RMND5B: variants seen among roughly 807,000 people sequenced by gnomAD.
RMND5B encodes E3 ubiquitin-protein transferase RMND5B.
A neutral mutation model predicts 50.4 loss-of-function variants in RMND5B; 42 were observed. That is an observed-to-expected ratio of 0.83 (90% CI 0.65 to 1.08). RMND5B has a LOEUF of 1.08. Among genes scored for constraint, RMND5B ranks in the 50% least tolerant of loss-of-function variants. The pLI, the probability that RMND5B is intolerant of heterozygous loss-of-function variation, is 0.00. For missense variants in RMND5B, 463 were observed against 508.5 expected (o/e 0.91, Z 0.86); for synonymous variants, 220 against 210.0 (o/e 1.05, Z -0.41).
At chr5:178,139,545 ATTTT>A (rs35774978) in intron 3 of RMND5B, among the ~76,000 whole-genome samples, 5 of 139,790 alleles carry the variant, frequency 3.6e-5, no homozygotes, top group Non-Finnish European at 7.6e-5. Context: ...TGTCCCAGGA[ATTTT>A]TTTTTTTTTT....
At chr5:178,134,955 G>A (rs1189281812) in intron 2 of RMND5B, among the ~76,000 whole-genome samples, 1 of 142,214 alleles carries the variant, frequency 7.0e-6, no homozygotes, top group African/African-American at 2.6e-5. Context: ...TCCAGCCTGG[G>A]CAACAGAGCG....
chr5:178,147,657 C>T (rs776133541), intron 9 of RMND5B, 22 bp downstream of exon 9: 26 of 1,613,974 alleles, frequency 1.6e-5, no homozygotes, highest in Middle Eastern at 1.6e-4. Context: ...TCTGGGGAAT[C>T]GTGGGCAAGA....
intron 2 of RMND5B, chr5:178,135,316 A>G: frequency 5.0e-6 from 1 of 199,934 alleles, no homozygotes. Flanking sequence ...TGCCCAGGTA[A>G]ATTTGCCGTG....
In RMND5B at chr5:178,149,928, G is replaced by C; in HGVS notation, c.*1896G>C. The C allele has an allele frequency of 7.1e-7, 1 of 1,410,190 alleles. No individual in the cohort carries two copies. The highest frequency in any genetic ancestry group is 9.9e-7 in the Non-Finnish European group (1 of 1,012,572). 87.4% of individuals were successfully genotyped at this position (1,410,190 alleles called of 1,614,324 possible). A position where few individuals can be genotyped will look rare whatever the true frequency, so the allele number is the denominator to read the frequency against. ...AACTGATGACCCACCAGCCTAATCTGGCCCACAACCATGTTCTGTTCGGTC... is the reference window on the plus strand; with the variant it reads ...AACTGATGACCCACCAGCCTAATCTCGCCCACAACCATGTTCTGTTCGGTC... On this transcript the variant is annotated 3_prime_UTR_variant, in exon 11 of 11. Coordinates refer to ENST00000313386, the MANE Select transcript of RMND5B (RefSeq NM_022762.5).
At position 178,149,135 on chromosome 5, in the gene RMND5B, G is replaced by A. The variant is rs928712426; in HGVS notation, c.*1103G>A. The A allele has an allele frequency of 6.6e-6, 1 of 152,548 alleles. No individual in the cohort carries two copies. The highest frequency in any genetic ancestry group is 2.4e-5 in the African/African-American group (1 of 41,428). 9.4% of individuals were successfully genotyped at this position (152,548 alleles called of 1,614,324 possible). ...GTAAATTGCTTCCATAAGCTTCACAGTGGCATTTAAGGCTCCTGGGTTAAG... is the reference window on the plus strand; with the variant it reads ...GTAAATTGCTTCCATAAGCTTCACAATGGCATTTAAGGCTCCTGGGTTAAG... On this transcript the variant is annotated 3_prime_UTR_variant, in exon 11 of 11. Coordinates refer to ENST00000313386, the MANE Select transcript of RMND5B (RefSeq NM_022762.5).
chr5:178,143,518 C>A, intron 5 of RMND5B, 109 bp from the exon 6 acceptor site: 1 of 863,068 alleles, frequency 1.2e-6, no homozygotes, highest in Non-Finnish European at 1.9e-6. Context: ...TCAAGCAAAG[C>A]CCAGCTCTCT....
At chr5:178,139,967 A>T (rs1758832182) in intron 3 of RMND5B, among the ~76,000 whole-genome samples, 1 of 152,088 alleles carries the variant, frequency 6.6e-6, no homozygotes, top group Non-Finnish European at 1.5e-5. Context: ...AATCTGAGAC[A>T]TTTCTTCTGT....
chr5:178,143,560 G>GTGCA, intron 5 of RMND5B, 67 bp from the exon 6 acceptor site: 1 of 1,238,624 alleles, frequency 8.1e-7, no homozygotes, highest in Non-Finnish European at 1.2e-6. Context: ...CTTTTATTAT[G>GTGCA]TGCATAGCAG....
In RMND5B at chr5:178,150,563, TG is replaced by T; in HGVS notation, c.*2532del. The stretch of plus-strand genomic sequence containing the variant: ...CCCAGCTAATTAAAAAAATTTTTTT[TG>T]TAGAGATGGAGTCTCACTTTGTTGC... On this transcript the variant is annotated 3_prime_UTR_variant, in exon 11 of 11. Transcript: ENST00000313386. 4.7e-6 allele frequency: 2 copies of T among 425,770 alleles called. No homozygotes were observed. Among genetic ancestry groups the T allele is most frequent in the Non-Finnish European group, 8.9e-6 (2 of 223,872 alleles). The allele number at this position is 425,770 out of a possible 1,614,324, so 26.4% of individuals were successfully genotyped here.
At chr5:178,146,071 G>C (rs765173872) in intron 7 of RMND5B, 43 bp from the exon 8 acceptor site, 1 of 1,603,416 alleles carries the variant, frequency 6.2e-7, no homozygotes, top group Non-Finnish European at 8.5e-7. Context: ...GGTGGACCCA[G>C]AGCCCTGCAC....
Position 178,132,433 on chromosome 5 carries a change from T to C in RMND5B, c.-13+1057T>C, listed in dbSNP as rs532388854. 1.4e-4 allele frequency among the ~76,000 whole-genome samples: 21 copies of C among 152,004 alleles called. No homozygotes were observed. In the South Asian group the frequency reaches 4.4e-3, roughly 32 times the overall value. On this transcript the variant is annotated intron_variant, in intron 2 of 10. Transcript: ENST00000313386. ...TCCAGCCTGGGCGACAGAGTAAGAC[T>C]CTGTCTCAAAAACAAACAACAAAAA... is the stretch of plus-strand genomic sequence containing the variant.
intron 3 of RMND5B, among the ~76,000 whole-genome samples, chr5:178,140,836 A>T (rs905176861): frequency 1.3e-5 from 2 of 152,104 alleles, no homozygotes; most frequent in African/African-American, 4.8e-5. Flanking sequence ...TCAAAAAAAA[A>T]AAAAAAGTAG....
chr5:178,143,881 T>C, intron 6 of RMND5B, 61 bp from the exon 7 acceptor site: 1 of 1,584,232 alleles, frequency 6.3e-7, no homozygotes, highest in Non-Finnish European at 8.6e-7. Flanking sequence ...TCCTCTCAGG[T>C]GCTGGCTCTC....
chr5:178,141,695 A>AATAC (rs1581121144), intron 3 of RMND5B: 1 of 152,160 alleles, frequency 6.6e-6, no homozygotes, highest in Non-Finnish European at 1.5e-5. Context: ...AAAATAAATA[A>AATAC]ATACATACAT....
intron 4 of RMND5B, 38 bp from the exon 5 acceptor site, chr5:178,142,814 G>T (rs759332815): frequency 6.2e-7 from 1 of 1,614,248 alleles, no homozygotes; most frequent in Non-Finnish European, 8.5e-7. Context: ...CAGCAAGAGT[G>T]CCCGCATCAC....
intron 5 of RMND5B, 43 bp from the exon 6 acceptor site, chr5:178,143,584 C>A: frequency 1.4e-6 from 2 of 1,449,242 alleles, no homozygotes; most frequent in Non-Finnish European, 1.9e-6. Flanking sequence ...ACTTTGGAAA[C>A]ACCATCTTCC....
At position 178,150,291 on chromosome 5, in the gene RMND5B, A is replaced by T. The variant is rs760829686; in HGVS notation, c.*2259A>T. 7 of 223,628 alleles carry T rather than the reference A, an allele frequency of 3.1e-5. No homozygotes were observed. Among genetic ancestry groups the T allele is most frequent in the Non-Finnish European group, 4.6e-5 (5 of 109,812 alleles). The allele number at this position is 223,628 out of a possible 1,614,324, so 13.9% of individuals were successfully genotyped here. On this transcript the variant is annotated 3_prime_UTR_variant, in exon 11 of 11. Coordinates refer to ENST00000313386, the MANE Select transcript of RMND5B (RefSeq NM_022762.5). Reference sequence around the variant, plus strand: ...GATAACTGACTATTTGGTTCTTACCATCAGGCCAAACGGTAAGTTCCTTCA... The same window carrying T: ...GATAACTGACTATTTGGTTCTTACCTTCAGGCCAAACGGTAAGTTCCTTCA...
At chr5:178,131,803 A>C (rs374536830) in intron 2 of RMND5B, among the ~76,000 whole-genome samples, 20 of 152,178 alleles carry the variant, frequency 1.3e-4, no homozygotes, top group Non-Finnish European at 1.9e-4. Context: ...CTGAGAGTAT[A>C]GTCAAGGAAC....
In RMND5B at chr5:178,149,781, G is replaced by A. The variant is rs146766601; in HGVS notation, c.*1749G>A. 142 of 1,613,950 alleles carry A rather than the reference G, an allele frequency of 8.8e-5. No homozygotes were observed. Among genetic ancestry groups the A allele is most frequent in the Non-Finnish European group, 1.1e-4 (132 of 1,179,970 alleles). ...TCGTAAGCCTCCTGGTACTCCTCATGGGGCTTGACCATTATCACACAGGTG... is the reference window on the plus strand; with the variant it reads ...TCGTAAGCCTCCTGGTACTCCTCATAGGGCTTGACCATTATCACACAGGTG... On this transcript the variant is annotated 3_prime_UTR_variant, in exon 11 of 11. Transcript: ENST00000313386.
Sources: gnomAD v4.1 joint callset for allele counts (sites outside exome capture counted in the v4.1 genomes callset) on GRCh38, gnomAD v4.1.1 for gene constraint, MANE v1.5 for transcripts, NCBI Gene and HGNC (gene_info 2026-07-23, HGNC 2026-07-21) for gene names.